Variants in NAA25 observed in about 807,000 individuals in gnomAD.
NAA25 encodes the protein N-alpha-acetyltransferase 25, NatB auxiliary subunit, also known as N-terminal acetyltransferase B complex subunit NAA25.
In NAA25, 30 loss-of-function variants were observed where a neutral mutation model predicts 132.5. The observed-to-expected ratio is 0.23, with a 90% CI of 0.17 to 0.31. The LOEUF (loss-of-function observed/expected upper bound fraction) is 0.31, where lower values mean the gene tolerates loss of function less well. Among genes scored for constraint, NAA25 ranks in the 10% least tolerant of loss-of-function variants. The pLI, the probability that NAA25 is intolerant of heterozygous loss-of-function variation, is 1.00. For missense variants in NAA25, 771 were observed against 1,150.4 expected (o/e 0.67, Z 4.77); for synonymous variants, 359 against 401.9 (o/e 0.89, Z 1.28).
At chr12:112,097,158 TAACTA>T (rs1204280632) in intron 1 of NAA25, 1 of 152,158 alleles carries the variant, frequency 6.6e-6, no homozygotes, top group East Asian at 1.9e-4. Context: ...TGGTACTCTC[TAACTA>T]TAAAACTGAA....
chr12:112,080,908 C>G, intron 5 of NAA25, 152 bp downstream of exon 5: 1 of 738,988 alleles, frequency 1.4e-6, no homozygotes, highest in Non-Finnish European at 2.4e-6. Context: ...GTCAAGGCAG[C>G]AGTGAGCTAT....
At chr12:112,046,646 A>G (rs1467237553) in intron 17 of NAA25, among the ~76,000 whole-genome samples, 1 of 152,244 alleles carries the variant, frequency 6.6e-6, no homozygotes, top group South Asian at 2.1e-4. Flanking sequence ...ACATATCACT[A>G]CAACTCCCTA....
intron 23 of NAA25, among the ~76,000 whole-genome samples, chr12:112,030,493 A>G (rs1331127133): frequency 6.6e-6 from 1 of 152,178 alleles, no homozygotes; most frequent in Non-Finnish European, 1.5e-5. Context: ...AGTCTCCTCC[A>G]TATTGACAAA....
chr12:112,040,324 T>A (rs1223059329), intron 21 of NAA25, 157 bp downstream of exon 21: 2 of 508,910 alleles, frequency 3.9e-6, no homozygotes, highest in Admixed American at 8.1e-5. Flanking sequence ...AAGAAATTGG[T>A]TTAGAAAATG....
Position 112,028,732 on chromosome 12 carries a change from T to C in NAA25, c.*799A>G, listed in dbSNP as rs2078113312. The stretch of plus-strand genomic sequence containing the variant: ...GCACCTCTCTTCTTTGAAACAGTCA[T>C]TCCTATCTTTCCCAAATGTATGAAA... On this transcript the variant is annotated 3_prime_UTR_variant, in exon 24 of 24. Coordinates refer to ENST00000261745, the MANE Select transcript of NAA25 (RefSeq NM_024953.4). 6.6e-6 allele frequency: 1 copy of C among 152,216 alleles called. No homozygotes were observed. Among genetic ancestry groups the C allele is most frequent in the Non-Finnish European group, 1.5e-5 (1 of 68,054 alleles). The allele number at this position is 152,216 out of a possible 1,614,324, so 9.4% of individuals were successfully genotyped here. A position where few individuals can be genotyped will look rare whatever the true frequency, so the allele number is the denominator to read the frequency against.
At chr12:112,066,850 A>C (rs1400179128) in intron 11 of NAA25, among the ~76,000 whole-genome samples, 1 of 152,156 alleles carries the variant, frequency 6.6e-6, no homozygotes, top group African/African-American at 2.4e-5. Context: ...AAAGTACTGA[A>C]CCTTCATGGA....
chr12:112,090,640 A>C, intron 3 of NAA25, 86 bp downstream of exon 3: 1 of 1,369,802 alleles, frequency 7.3e-7, no homozygotes, highest in Non-Finnish European at 1.0e-6. Flanking sequence ...TCAAATCATG[A>C]GTGAGAAATC....
At chr12:112,078,868 C>T in intron 5 of NAA25, 127 bp from the exon 6 acceptor site, 1 of 712,646 alleles carries the variant, frequency 1.4e-6, no homozygotes, top group Non-Finnish European at 2.3e-6. Context: ...ATATGAATTC[C>T]CTGCCAAGGA....
At chr12:112,073,537 C>T (rs1231922215) in intron 9 of NAA25, among the ~76,000 whole-genome samples, 1 of 152,090 alleles carries the variant, frequency 6.6e-6, no homozygotes, top group Non-Finnish European at 1.5e-5. Flanking sequence ...CCCGGGTTCA[C>T]GCCATTCTCC....
At chr12:112,037,197 T>C (rs1593745837) in intron 22 of NAA25, among the ~76,000 whole-genome samples, 1 of 149,632 alleles carries the variant, frequency 6.7e-6, no homozygotes, top group Non-Finnish European at 1.5e-5. Context: ...ATGAAAATTA[T>C]GATAATGGCT....
chr12:112,075,658 A>T lies in NAA25; in HGVS notation c.776+20T>A, dbSNP rs1219923784. On this transcript the variant is annotated intron_variant, in intron 8 of 23. Transcript: ENST00000261745. ...AAGCCTCACTACAGTCAAATGGTAC[A>T]AAAGAAAGCTTTTACTCACTTTTTT... 1.9e-6 allele frequency: 3 copies of T among 1,599,158 alleles called. No homozygotes were observed. Among genetic ancestry groups the T allele is most frequent in the Non-Finnish European group, 2.6e-6 (3 of 1,166,782 alleles).
chr12:112,044,875 TAA>T (rs879272275), intron 17 of NAA25, among the ~76,000 whole-genome samples: 51 of 106,900 alleles, frequency 4.8e-4, no homozygotes, highest in Admixed American at 1.1e-3. Flanking sequence ...ACCCAGTCTC[TAA>T]AAAAAAAAAA....
intron 4 of NAA25, among the ~76,000 whole-genome samples, chr12:112,082,187 G>A (rs2078982518): frequency 1.3e-5 from 2 of 152,308 alleles, no homozygotes; most frequent in African/African-American, 4.8e-5. Context: ...GGCAGAGGTT[G>A]CAGTGAGCAG....
At chr12:112,052,272 T>C (rs1415746667) in intron 15 of NAA25, among the ~76,000 whole-genome samples, 3 of 152,188 alleles carry the variant, frequency 2.0e-5, no homozygotes, top group Non-Finnish European at 4.4e-5. Context: ...ATCCTAGAGA[T>C]GACCTTCTGA....
At chr12:112,085,441 G>C (rs2079032376) in intron 4 of NAA25, among the ~76,000 whole-genome samples, 1 of 151,904 alleles carries the variant, frequency 6.6e-6, no homozygotes, top group African/African-American at 2.4e-5. Context: ...TCTTTTTTGA[G>C]GACAACATGA....
At chr12:112,050,864 T>C (rs2078455500) in intron 15 of NAA25, among the ~76,000 whole-genome samples, 1 of 152,134 alleles carries the variant, frequency 6.6e-6, no homozygotes, top group Non-Finnish European at 1.5e-5. Context: ...ACCTTCCAAA[T>C]ACAACTTTCA....
At chr12:112,087,439 C>G (rs761257244) in intron 4 of NAA25, among the ~76,000 whole-genome samples, 4 of 152,126 alleles carry the variant, frequency 2.6e-5, no homozygotes, top group Non-Finnish European at 5.9e-5. Flanking sequence ...TTACCAAAAC[C>G]AAACAAAACA....
At chr12:112,066,612 T>C (rs918452364) in intron 11 of NAA25, among the ~76,000 whole-genome samples, 2 of 152,206 alleles carry the variant, frequency 1.3e-5, no homozygotes, top group African/African-American at 4.8e-5. Flanking sequence ...CCCTCTTATA[T>C]GCTTTTAAAT....
chr12:112,047,555 C>T (rs966054927), intron 17 of NAA25, 110 bp downstream of exon 17: 15 of 1,317,970 alleles, frequency 1.1e-5, no homozygotes, highest in Admixed American at 4.6e-5. Flanking sequence ...TAAAAATAAA[C>T]TGCTTCACCC....
Sources: gnomAD v4.1 joint callset for allele counts (sites outside exome capture counted in the v4.1 genomes callset) on GRCh38, gnomAD v4.1.1 for gene constraint, MANE v1.5 for transcripts, NCBI Gene and HGNC (gene_info 2026-07-23, HGNC 2026-07-21) for gene names.